EXOC4: variants seen among roughly 807,000 people sequenced by gnomAD.
The protein encoded by EXOC4 is SEC8-like 1.
Under a neutral mutation model 107.2 loss-of-function variants are expected in EXOC4, and 71 were observed. The observed-to-expected ratio is 0.66, with a 90% confidence interval of 0.55 to 0.81. EXOC4 has a LOEUF of 0.81. EXOC4 is among the 30% of genes least tolerant of loss of function. The pLI is 0.00. For missense variants in EXOC4, 1,108 were observed against 1,189.6 expected, an observed-to-expected ratio of 0.93 and a Z score of 1.01; for synonymous variants, 456 against 441.2, an observed-to-expected ratio of 1.03 and a Z score of -0.42.
At chr7:133,721,258 A>G (rs562043238) in intron 10 of EXOC4, among the ~76,000 whole-genome samples, 25 of 152,206 alleles carry the variant, frequency 1.6e-4, no homozygotes, top group Non-Finnish European at 3.4e-4. Flanking sequence ...CCATACTCAT[A>G]GGAACTTATT....
Position 133,824,854 on chromosome 7 carries a change from T to A in EXOC4, c.1734+7310T>A, listed in dbSNP as rs111758971. ...AAGGATACTTTCATTGGATTTAGGG[T>A]TTGTCTTAATCCAGGACGATCTCAT... On this transcript the variant is annotated intron_variant, in intron 11 of 17. Transcript: ENST00000253861. 2.4e-4 allele frequency among the ~76,000 whole-genome samples: 36 copies of A among 152,210 alleles called. No homozygotes were observed. In the South Asian group the frequency reaches 4.2e-3, roughly 18 times the overall value.
intron 5 of EXOC4, among the ~76,000 whole-genome samples, chr7:133,337,618 A>C (rs368191179): frequency 1.7e-5 from 2 of 118,134 alleles, no homozygotes; most frequent in South Asian, 5.6e-4. Flanking sequence ...TTCTTATTTT[A>C]TTTTCCTTCC....
intron 14 of EXOC4, among the ~76,000 whole-genome samples, chr7:133,971,361 TAGAGAG>T (rs1186165891): frequency 0.018 from 1,353 of 74,774 alleles, 22 homozygotes; most frequent in East Asian, 0.047. Flanking sequence ...TATATATATA[TAGAGAG>T]AGAGAGAGAG....
chr7:133,640,795 A>G (rs899647745), intron 10 of EXOC4, among the ~76,000 whole-genome samples: 2 of 152,016 alleles, frequency 1.3e-5, no homozygotes, highest in East Asian at 1.9e-4. Context: ...AAGAAAAGGG[A>G]TTTTTCTTAG....
chr7:133,319,184 A>G (rs1795054744), intron 5 of EXOC4, among the ~76,000 whole-genome samples: 1 of 152,360 alleles, frequency 6.6e-6, no homozygotes, highest in African/African-American at 2.4e-5. Flanking sequence ...TTATGAAGAA[A>G]TGACAGGGCA....
chr7:133,796,713 G>A (rs952000792), intron 10 of EXOC4, among the ~76,000 whole-genome samples: 37 of 152,248 alleles, frequency 2.4e-4, no homozygotes, highest in African/African-American at 7.9e-4. Flanking sequence ...AGCCGAGATC[G>A]CGCCACTGCA....
chr7:133,418,006 T>G (rs1213682031), intron 7 of EXOC4, among the ~76,000 whole-genome samples: 1 of 152,230 alleles, frequency 6.6e-6, no homozygotes, highest in Non-Finnish European at 1.5e-5. Flanking sequence ...AAGTAATTCC[T>G]TTCTACCCTT....
chr7:133,414,900 G>A (rs1354275414), intron 7 of EXOC4, among the ~76,000 whole-genome samples: 3 of 151,972 alleles, frequency 2.0e-5, no homozygotes, highest in Non-Finnish European at 2.9e-5. Context: ...AAGAAAGTCC[G>A]TTCTCTTAGC....
At chr7:133,332,807 G>A (rs542231163) in intron 5 of EXOC4, among the ~76,000 whole-genome samples, 243 of 152,188 alleles carry the variant, frequency 1.6e-3, no homozygotes, top group African/African-American at 5.5e-3. Context: ...AATAGTGTGA[G>A]TCTTGCCCTT....
intron 10 of EXOC4, among the ~76,000 whole-genome samples, chr7:133,764,393 G>A (rs893655870): frequency 2.0e-5 from 3 of 151,962 alleles, no homozygotes; most frequent in Non-Finnish European, 2.9e-5. Flanking sequence ...CTTCCAGGAC[G>A]AGAAGGCTTC....
chr7:134,013,763 A>T (rs577890192), intron 17 of EXOC4, among the ~76,000 whole-genome samples: 1 of 152,322 alleles, frequency 6.6e-6, no homozygotes, highest in East Asian at 1.9e-4. Context: ...CAGGTGGCTA[A>T]TTCATATTAA....
intron 7 of EXOC4, among the ~76,000 whole-genome samples, chr7:133,435,718 C>T (rs549686004): frequency 9.9e-5 from 15 of 152,184 alleles, no homozygotes; most frequent in African/African-American, 3.1e-4. Flanking sequence ...TAGTCCCATC[C>T]ATCTGTATTT....
chr7:133,882,296 C>T (rs1487781135), intron 11 of EXOC4, among the ~76,000 whole-genome samples: 3 of 152,192 alleles, frequency 2.0e-5, no homozygotes, highest in Non-Finnish European at 4.4e-5. Context: ...TGGCCTTGAA[C>T]ATAAAGTTTT....
intron 17 of EXOC4, among the ~76,000 whole-genome samples, chr7:134,015,052 A>G (rs1174404929): frequency 6.6e-6 from 1 of 152,184 alleles, no homozygotes; most frequent in East Asian, 1.9e-4. Flanking sequence ...GAGAAAGGGT[A>G]GTTCCGGGGA....
chr7:133,434,726 G>C (rs1797929128), intron 7 of EXOC4, among the ~76,000 whole-genome samples: 1 of 152,198 alleles, frequency 6.6e-6, no homozygotes, highest in African/African-American at 2.4e-5. Flanking sequence ...TTTAAAGCTT[G>C]TGTGCCGGAC....
intron 7 of EXOC4, among the ~76,000 whole-genome samples, chr7:133,413,778 A>G (rs1797413634): frequency 6.6e-6 from 1 of 152,116 alleles, no homozygotes. Context: ...AGAGATTACC[A>G]AAGCTGCTGA....
rs139283214 is a variant in EXOC4, at chr7:133,489,931, A to G, written c.1417+9793A>G. On this transcript the variant is annotated intron_variant, in intron 9 of 17. Coordinates refer to ENST00000253861, the MANE Select transcript of EXOC4 (RefSeq NM_021807.4). Reference sequence around the variant, plus strand: ...ATTTCTAACTTGCCTTGCAGCCAACATGGACGTGTAATTTAATTCTGGCTA... The same window carrying G: ...ATTTCTAACTTGCCTTGCAGCCAACGTGGACGTGTAATTTAATTCTGGCTA... Among the ~76,000 whole-genome samples, 358 of 152,310 alleles carry G rather than the reference A, an allele frequency of 2.4e-3. 2 individuals carry two copies. The highest frequency in any genetic ancestry group is 4.5e-3 in the Non-Finnish European group (309 of 68,020).
chr7:133,990,947 G>T (rs1286772757), intron 14 of EXOC4, among the ~76,000 whole-genome samples: 1 of 152,194 alleles, frequency 6.6e-6, no homozygotes, highest in Non-Finnish European at 1.5e-5. Flanking sequence ...ATACCCAGCA[G>T]TGAGATTGCT....
intron 11 of EXOC4, among the ~76,000 whole-genome samples, chr7:133,857,137 TACACATACAC>T (rs1452024775): frequency 4.2e-5 from 3 of 71,108 alleles, no homozygotes; most frequent in Non-Finnish European, 5.1e-5. Context: ...TATATATATA[TACACATACAC>T]GTATATATAT....
Sources: gnomAD v4.1 joint callset for allele counts (sites outside exome capture counted in the v4.1 genomes callset) on GRCh38, gnomAD v4.1.1 for gene constraint, MANE v1.5 for transcripts, NCBI Gene and HGNC (gene_info 2026-07-23, HGNC 2026-07-21) for gene names.